The following SRGAP2 variants were observed in gnomAD, a reference collection of about 807,000 sequenced individuals.
SRGAP2 encodes the protein SLIT-ROBO Rho GTPase-activating protein 2.
A neutral mutation model predicts 57.2 loss-of-function variants in SRGAP2; 15 were observed. That is an observed-to-expected ratio of 0.26 (90% CI 0.18 to 0.40). The LOEUF is 0.40. Among genes scored for constraint, SRGAP2 ranks in the 10% least tolerant of loss-of-function variants. The probability of loss-of-function intolerance (pLI) is 1.00; values close to 1 mark genes in which losing one functional copy is unlikely to be tolerated. For synonymous variants in SRGAP2, 249 were observed against 248.0 expected, an observed-to-expected ratio of 1.00 and a Z score of -0.04; for missense variants, 520 against 669.6, an observed-to-expected ratio of 0.78 and a Z score of 2.47.
At chr1:206,329,696 A>G (rs1457932352) in intron 3 of SRGAP2, among the ~76,000 whole-genome samples, 3 of 142,740 alleles carry the variant, frequency 2.1e-5, no homozygotes, top group Non-Finnish European at 4.6e-5. Flanking sequence ...CAGCTTAAGG[A>G]GATTTTGGGC....
intron 22 of SRGAP2, among the ~76,000 whole-genome samples, chr1:206,459,638 A>C (rs1664105590): frequency 6.6e-6 from 1 of 152,242 alleles, no homozygotes; most frequent in Middle Eastern, 3.4e-3. Context: ...CAAGCAGTTC[A>C]CTCAGACGTC....
rs1449535227 is a variant in SRGAP2 at position 206,461,623 on chromosome 1, C to T, written c.*203C>T. On this transcript the variant is annotated 3_prime_UTR_variant, in exon 23 of 23. Coordinates refer to ENST00000573034, the MANE Select transcript of SRGAP2 (RefSeq NM_015326.5). ...CCTTCCCACTGCCCTCTGCTTCCCC[C>T]AGTCGTCGTAATTCAGCCAGCTGCA... is the stretch of plus-strand genomic sequence containing the variant. 3 of 565,832 alleles carry T rather than the reference C, an allele frequency of 5.3e-6. No individual in the cohort carries two copies. The highest frequency in any genetic ancestry group is 1.9e-5 in the African/African-American group (1 of 53,436). 35.1% of individuals were successfully genotyped at this position (565,832 alleles called of 1,614,324 possible). A position where few individuals can be genotyped will look rare whatever the true frequency, so the allele number is the denominator to read the frequency against.
At chr1:206,359,973 AT>A (rs1188871444) in intron 4 of SRGAP2, among the ~76,000 whole-genome samples, 3 of 150,432 alleles carry the variant, frequency 2.0e-5, no homozygotes, top group African/African-American at 7.4e-5. Flanking sequence ...CGCCCGGCTA[AT>A]TTTTTGTATT....
intron 4 of SRGAP2, among the ~76,000 whole-genome samples, chr1:206,365,212 T>TA (rs1653864972): frequency 7.5e-6 from 1 of 133,162 alleles, no homozygotes; most frequent in African/African-American, 2.9e-5. Flanking sequence ...GGGTTGTTCC[T>TA]GACCCCAGGT....
intron 4 of SRGAP2, among the ~76,000 whole-genome samples, chr1:206,377,242 A>G (rs1553345178): frequency 2.0e-5 from 3 of 152,002 alleles, no homozygotes. Flanking sequence ...CTTTTAAAAT[A>G]TAACTTGTCA....
rs1553361691 is a variant in SRGAP2 at position 206,415,886 on chromosome 1, C to T, written c.1357-3C>T. 3.9e-6 allele frequency: 3 copies of T among 778,928 alleles called. No homozygotes were observed. The highest frequency in any genetic ancestry group is 7.2e-6 in the Non-Finnish European group (3 of 417,348). 48.3% of individuals were successfully genotyped at this position (778,928 alleles called of 1,614,324 possible). A position where few individuals can be genotyped will look rare whatever the true frequency, so the allele number is the denominator to read the frequency against. On this transcript the variant is annotated splice_region_variant and splice_polypyrimidine_tract_variant and intron_variant, in intron 10 of 22. Transcript: ENST00000573034. ...TGCTCTTTTTCCTCCTCCTCTCTTA[C>T]AGAAAATGAAAGAGTACCTGGAGGG...
At chr1:206,240,598 C>T (rs1397466440) in intron 2 of SRGAP2, among the ~76,000 whole-genome samples, 1 of 152,066 alleles carries the variant, frequency 6.6e-6, no homozygotes, top group African/African-American at 2.4e-5. Flanking sequence ...GAAATGAAGT[C>T]ATCCAGCACT....
At chr1:206,451,618 A>G (rs1188878923) in intron 19 of SRGAP2, among the ~76,000 whole-genome samples, 1 of 152,172 alleles carries the variant, frequency 6.6e-6, no homozygotes, top group Non-Finnish European at 1.5e-5. Context: ...CTGATGTCAT[A>G]AGGATCCATA....
chr1:206,385,670 A>T (rs1166306502), intron 5 of SRGAP2, among the ~76,000 whole-genome samples: 3 of 151,744 alleles, frequency 2.0e-5, no homozygotes, highest in African/African-American at 7.3e-5. Context: ...AAAAAAAAAA[A>T]ATAAGTGAAA....
At chr1:206,416,554 C>T (rs1422964197) in intron 11 of SRGAP2, among the ~76,000 whole-genome samples, 2 of 152,194 alleles carry the variant, frequency 1.3e-5, no homozygotes, top group African/African-American at 4.8e-5. Context: ...TGTCTTGTCT[C>T]ATAGAATGAT....
chr1:206,210,571 G>A (rs1313574757), intron 2 of SRGAP2, among the ~76,000 whole-genome samples: 1 of 149,278 alleles, frequency 6.7e-6, no homozygotes, highest in African/African-American at 2.5e-5. Context: ...AAGAGCAGGA[G>A]ATGAAATTTA....
At chr1:206,372,971 TTCTTTC>T (rs1654770986) in intron 4 of SRGAP2, among the ~76,000 whole-genome samples, 2 of 33,488 alleles carry the variant, frequency 6.0e-5, no homozygotes, top group African/African-American at 1.4e-4. Flanking sequence ...TTTCCTTTCT[TTCTTTC>T]TTTCTTTCTT....
intron 3 of SRGAP2, among the ~76,000 whole-genome samples, chr1:206,320,506 C>T (rs1571849102): frequency 9.6e-6 from 1 of 104,476 alleles, no homozygotes; most frequent in East Asian, 2.8e-4. Flanking sequence ...AGGTTCTCTG[C>T]AGGTTTGGGG....
At position 206,313,899 on chromosome 1, in the gene SRGAP2, A is replaced by G. The variant is rs549874738; in HGVS notation, c.260+10426A>G. On this transcript the variant is annotated intron_variant, in intron 3 of 22. Transcript: ENST00000573034. ...ACACATGCCAGATACCCACCCCTGTACTCCTAGAGCTTACAGTCTAGAGAC... is the reference window on the plus strand; with the variant it reads ...ACACATGCCAGATACCCACCCCTGTGCTCCTAGAGCTTACAGTCTAGAGAC... 2.6e-3 allele frequency among the ~76,000 whole-genome samples: 392 copies of G among 151,458 alleles called. 2 individuals are homozygous for G. Among genetic ancestry groups the G allele is most frequent in the Admixed American group, 7.1e-3 (108 of 15,240 alleles).
intron 2 of SRGAP2, among the ~76,000 whole-genome samples, chr1:206,229,953 C>CACACAT (rs1329067480): frequency 6.6e-6 from 1 of 151,714 alleles, no homozygotes; most frequent in Non-Finnish European, 1.5e-5. Flanking sequence ...CACACACACA[C>CACACAT]ACACACACAC....
chr1:206,319,050 A>G (rs555072180), intron 3 of SRGAP2, among the ~76,000 whole-genome samples: 1 of 152,210 alleles, frequency 6.6e-6, no homozygotes, highest in South Asian at 2.1e-4. Context: ...GGTTATTGTT[A>G]TGGGCTTTGT....
chr1:206,385,750 C>G (rs1305570973), intron 5 of SRGAP2, among the ~76,000 whole-genome samples: 1 of 152,112 alleles, frequency 6.6e-6, no homozygotes, highest in Non-Finnish European at 1.5e-5. Context: ...GAGGGCCGAG[C>G]TGCTACCTCT....
chr1:206,289,427 C>A (rs1671189914), intron 2 of SRGAP2, among the ~76,000 whole-genome samples: 1 of 150,588 alleles, frequency 6.6e-6, no homozygotes, highest in African/African-American at 2.4e-5. Flanking sequence ...CGCCCGCCAC[C>A]ACGCCCAGCT....
chr1:206,395,985 CTTT>C (rs375908687), intron 7 of SRGAP2, among the ~76,000 whole-genome samples: 3 of 131,186 alleles, frequency 2.3e-5, no homozygotes, highest in African/African-American at 3.2e-5. Flanking sequence ...TCTCATGTTT[CTTT>C]TTTTTTTTTT....
Sources: gnomAD v4.1 joint callset for allele counts (sites outside exome capture counted in the v4.1 genomes callset) on GRCh38, gnomAD v4.1.1 for gene constraint, MANE v1.5 for transcripts, NCBI Gene and HGNC (gene_info 2026-07-23, HGNC 2026-07-21) for gene names.